Variants in CFAP54 observed in about 807,000 individuals in gnomAD.
The protein encoded by CFAP54 is cilia- and flagella-associated protein 54.
CFAP54 carries 290 observed loss-of-function variants against 370.4 expected under a neutral mutation model. The ratio of observed to expected loss-of-function variants is 0.78; its 90% CI spans 0.71 to 0.86. The LOEUF (loss-of-function observed/expected upper bound fraction) is 0.86. CFAP54 is among the 40% of genes least tolerant of loss of function. The probability of loss-of-function intolerance (pLI) is 0.00; values close to 1 mark genes in which losing one functional copy is unlikely to be tolerated. For synonymous variants in CFAP54, 1,206 were observed against 1,236.5 expected, an observed-to-expected ratio of 0.98 and a Z score of 0.52; for missense variants, 3,399 against 3,528.7, an observed-to-expected ratio of 0.96 and a Z score of 0.93.
intron 4 of CFAP54, among the ~76,000 whole-genome samples, chr12:96,508,627 C>T (rs1221968705): frequency 2.7e-5 from 4 of 150,352 alleles, no homozygotes; most frequent in African/African-American, 4.9e-5. Flanking sequence ...TTTCTGTATC[C>T]TTGATATCTT....
chr12:96,554,339 T>G (rs535896077), intron 16 of CFAP54, 29 bp downstream of exon 16: 7 of 1,475,334 alleles, frequency 4.7e-6, no homozygotes, highest in South Asian at 2.7e-5. Context: ...TAAATTAGAT[T>G]GAAGTTTTAC....
chr12:96,542,009 C>T (rs371211156), intron 14 of CFAP54, among the ~76,000 whole-genome samples: 8 of 152,094 alleles, frequency 5.3e-5, no homozygotes, highest in South Asian at 4.1e-4. Context: ...CTTTGTTCTG[C>T]CTCTGGTTGC....
chr12:96,863,553 A>G (rs929581345), intron 67 of CFAP54, among the ~76,000 whole-genome samples: 6 of 152,142 alleles, frequency 3.9e-5, no homozygotes, highest in African/African-American at 1.4e-4. Flanking sequence ...CTGCCCTTCT[A>G]CCCACTCCAT....
intron 50 of CFAP54, among the ~76,000 whole-genome samples, chr12:96,729,670 C>T (rs780353292): frequency 2.6e-4 from 40 of 152,210 alleles, no homozygotes; most frequent in Non-Finnish European, 5.1e-4. Context: ...CCTGCTTCAG[C>T]TCGCGCACGG....
chr12:96,599,821 T>G (rs1370212810), intron 26 of CFAP54, among the ~76,000 whole-genome samples: 2 of 152,234 alleles, frequency 1.3e-5, no homozygotes, highest in Non-Finnish European at 2.9e-5. Context: ...AAGAAGTGTC[T>G]GTTCATATCC....
intron 32 of CFAP54, among the ~76,000 whole-genome samples, chr12:96,637,766 T>C (rs1956676863): frequency 6.6e-6 from 1 of 152,220 alleles, no homozygotes; most frequent in African/African-American, 2.4e-5. Context: ...TGAGGAAAGA[T>C]TGAAATTACA....
intron 62 of CFAP54, among the ~76,000 whole-genome samples, chr12:96,788,540 G>T (rs1218345247): frequency 2.6e-5 from 4 of 152,026 alleles, no homozygotes; most frequent in Non-Finnish European, 5.9e-5. Context: ...TGTTACTGTT[G>T]CCAACTCTCC....
At chr12:96,676,061 C>T (rs1013179848) in intron 39 of CFAP54, among the ~76,000 whole-genome samples, 1 of 152,008 alleles carries the variant, frequency 6.6e-6, no homozygotes, top group African/African-American at 2.4e-5. Flanking sequence ...ATGTTGTACA[C>T]GTGTACCCTA....
At chr12:96,681,984 A>T (rs1002563305) in intron 40 of CFAP54, among the ~76,000 whole-genome samples, 11 of 152,194 alleles carry the variant, frequency 7.2e-5, no homozygotes, top group African/African-American at 2.7e-4. Context: ...CTGGATACTA[A>T]GTTTAAGGAA....
chr12:96,636,829 C>T (rs567181333), intron 32 of CFAP54, among the ~76,000 whole-genome samples: 6 of 152,232 alleles, frequency 3.9e-5, no homozygotes, highest in African/African-American at 1.4e-4. Context: ...CGGCACACGC[C>T]TGTAATCCCA....
At chr12:96,610,104 GCA>G (rs1956339755) in intron 26 of CFAP54, among the ~76,000 whole-genome samples, 1 of 152,246 alleles carries the variant, frequency 6.6e-6, no homozygotes, top group Non-Finnish European at 1.5e-5. Context: ...AGAGTGATGG[GCA>G]AACAGTTCGG....
chr12:96,862,025 A>T lies in CFAP54; in HGVS notation c.*14+1073A>T, dbSNP rs182248947. On this transcript the variant is annotated intron_variant, in intron 67 of 67. Transcript: ENST00000524981. ...CTACTAGTATTAAAAAGGCCTTTTT[A>T]AAAAAAAATGAAACAACGGTAATAG... Among the ~76,000 whole-genome samples the T allele has an allele frequency of 6.2e-3, 942 of 151,482 alleles. 9 individuals carry two copies. The highest frequency in any genetic ancestry group is 0.018 in the African/African-American group (759 of 41,288).
intron 56 of CFAP54, among the ~76,000 whole-genome samples, chr12:96,755,854 G>T (rs983654439): frequency 7.9e-5 from 12 of 151,876 alleles, no homozygotes; most frequent in African/African-American, 2.4e-4. Context: ...TTTTAGTAGA[G>T]ATGGCGTTTC....
At chr12:96,816,447 A>G (rs1481627513) in intron 64 of CFAP54, among the ~76,000 whole-genome samples, 8 of 152,186 alleles carry the variant, frequency 5.3e-5, no homozygotes, top group Admixed American at 5.2e-4. Context: ...TTTGCATTTA[A>G]CTGTTGCCTT....
intron 39 of CFAP54, among the ~76,000 whole-genome samples, chr12:96,670,371 C>T (rs1307131090): frequency 2.0e-5 from 3 of 152,132 alleles, no homozygotes; most frequent in Non-Finnish European, 4.4e-5. Context: ...TTACAGTCAC[C>T]TAATGAGGTA....
At chr12:96,861,338 G>A (rs1043346840) in intron 67 of CFAP54, among the ~76,000 whole-genome samples, 16 of 152,162 alleles carry the variant, frequency 1.1e-4, no homozygotes, top group African/African-American at 3.4e-4. Context: ...TTGTTATCAC[G>A]GGTAGAGTAC....
intron 66 of CFAP54, 137 bp from the exon 67 acceptor site, chr12:96,860,682 C>A: frequency 2.5e-6 from 2 of 793,386 alleles, no homozygotes; most frequent in Non-Finnish European, 3.8e-6. Context: ...AGGTATGAAA[C>A]TTTGTGCCTT....
At chr12:96,867,801 A>G (rs1301399569) in intron 67 of CFAP54, among the ~76,000 whole-genome samples, 1 of 152,200 alleles carries the variant, frequency 6.6e-6, no homozygotes, top group African/African-American at 2.4e-5. Flanking sequence ...CAAGTTAACA[A>G]GAAGAATGTA....
chr12:96,628,197 G>A (rs1459531869), intron 30 of CFAP54, among the ~76,000 whole-genome samples: 2 of 152,090 alleles, frequency 1.3e-5, no homozygotes, highest in Non-Finnish European at 2.9e-5. Context: ...TATCCCTACC[G>A]CTAAGTGACA....
Sources: allele counts gnomAD v4.1 joint callset (sites outside exome capture counted in the v4.1 genomes callset), GRCh38; gene constraint gnomAD v4.1.1; transcripts MANE v1.5; gene names NCBI Gene and HGNC (gene_info 2026-07-23, HGNC 2026-07-21).